The following MAML2 variants were observed in gnomAD, a reference collection of about 807,000 sequenced individuals.
MAML2 encodes mastermind-like protein 2.
In MAML2, 22 loss-of-function variants were observed where a neutral mutation model predicts 96.1. The observed-to-expected ratio is 0.23, with a 90% CI of 0.16 to 0.33. The LOEUF is 0.33. Ranked by LOEUF, MAML2 falls within the 10% of genes least tolerant of loss-of-function variation. MAML2 has a pLI of 1.00. For synonymous variants in MAML2, 561 were observed against 521.3 expected, an observed-to-expected ratio of 1.08 and a Z score of -1.04; for missense variants, 1,367 against 1,392.4, an observed-to-expected ratio of 0.98 and a Z score of 0.29.
intron 1 of MAML2, among the ~76,000 whole-genome samples, chr11:96,179,752 A>G (rs1421561558): frequency 6.6e-6 from 1 of 152,130 alleles, no homozygotes; most frequent in Non-Finnish European, 1.5e-5. Flanking sequence ...TTTCCCCTCC[A>G]ACTCTCTTTC....
intron 1 of MAML2, among the ~76,000 whole-genome samples, chr11:96,312,447 A>T (rs1863556365): frequency 6.6e-6 from 1 of 152,164 alleles, no homozygotes; most frequent in South Asian, 2.1e-4. Flanking sequence ...CATTGGATTC[A>T]TCATTACAAT....
chr11:96,250,649 C>T (rs1280139850), intron 1 of MAML2, among the ~76,000 whole-genome samples: 1 of 152,148 alleles, frequency 6.6e-6, no homozygotes, highest in Non-Finnish European at 1.5e-5. Context: ...AGCTCTGGAG[C>T]ATGAAGGAAG....
intron 2 of MAML2, among the ~76,000 whole-genome samples, chr11:96,015,304 A>G (rs960692403): frequency 1.4e-4 from 22 of 152,174 alleles, no homozygotes; most frequent in African/African-American, 5.1e-4. Flanking sequence ...ATATAGGAGT[A>G]ATATGACGTT....
In MAML2 at chr11:96,109,020, CA is replaced by C. The variant is rs10694455; in HGVS notation, c.514-15504del. Among the ~76,000 whole-genome samples, 213 of 144,616 alleles carry C rather than the reference CA, an allele frequency of 1.5e-3. 1 individual carries two copies. Among genetic ancestry groups the C allele is most frequent in the African/African-American group, 2.8e-3 (109 of 39,200 alleles). 94.9% of individuals were successfully genotyped at this position (144,616 alleles called of 152,430 possible). A position where few individuals can be genotyped will look rare whatever the true frequency, so the allele number is the denominator to read the frequency against. On this transcript the variant is annotated intron_variant, in intron 1 of 4. Coordinates refer to ENST00000524717, the MANE Select transcript of MAML2 (RefSeq NM_032427.4). ...AGCCTGGGCAACAGTTTGAGTGTTT[CA>C]AAAAAAAAAAAATGTATAAGCAACT... is the stretch of plus-strand genomic sequence containing the variant.
intron 2 of MAML2, among the ~76,000 whole-genome samples, chr11:96,058,230 T>C (rs1400052578): frequency 6.6e-6 from 1 of 152,258 alleles, no homozygotes; most frequent in Non-Finnish European, 1.5e-5. Context: ...GTCAGCCTGA[T>C]TGGAGCCTTT....
At chr11:96,261,692 A>G (rs539007673) in intron 1 of MAML2, among the ~76,000 whole-genome samples, 1 of 152,350 alleles carries the variant, frequency 6.6e-6, no homozygotes, top group South Asian at 2.1e-4. Context: ...GTCCCTAGCT[A>G]GTGACATGAT....
chr11:96,164,773 A>G (rs537985668), intron 1 of MAML2, among the ~76,000 whole-genome samples: 1 of 152,230 alleles, frequency 6.6e-6, no homozygotes, highest in Non-Finnish European at 1.5e-5. Context: ...CTTAAGACAG[A>G]TAGTGTGTCA....
At chr11:96,262,467 C>CT (rs200340735) in intron 1 of MAML2, among the ~76,000 whole-genome samples, 419 of 147,858 alleles carry the variant, frequency 2.8e-3, no homozygotes, top group African/African-American at 9.0e-3. Context: ...AAAATTTAAT[C>CT]TTTTTTTTTT....
In MAML2 at chr11:96,310,954, T is replaced by C. The variant is rs189605048; in HGVS notation, c.513+30429A>G. 1.1e-4 allele frequency among the ~76,000 whole-genome samples: 17 copies of C among 152,338 alleles called. 1 individual carries two copies. The highest frequency in any genetic ancestry group is 9.1e-4 in the Admixed American group (14 of 15,306). On this transcript the variant is annotated intron_variant, in intron 1 of 4. Coordinates refer to ENST00000524717, the MANE Select transcript of MAML2 (RefSeq NM_032427.4). ...AAGTGGCAATAAATAGCCCAAGAAA[T>C]GTGTTCAATGGCTAACATCTAAGGA...
At chr11:96,324,810 G>C (rs950669180) in intron 1 of MAML2, among the ~76,000 whole-genome samples, 11 of 152,094 alleles carry the variant, frequency 7.2e-5, no homozygotes, top group Non-Finnish European at 1.0e-4. Context: ...AAAAAGTTAA[G>C]AGACCAATCT....
chr11:96,129,747 A>C (rs1860515015), intron 1 of MAML2, among the ~76,000 whole-genome samples: 1 of 152,198 alleles, frequency 6.6e-6, no homozygotes, highest in African/African-American at 2.4e-5. Context: ...ACAGTACTCA[A>C]CAGGAAGTTT....
At chr11:96,158,298 T>A (rs1440400978) in intron 1 of MAML2, among the ~76,000 whole-genome samples, 1 of 152,240 alleles carries the variant, frequency 6.6e-6, no homozygotes, top group East Asian at 1.9e-4. Context: ...GACCACCCAG[T>A]TGTCCTTCTC....
chr11:96,243,716 C>T (rs1414484265), intron 1 of MAML2, among the ~76,000 whole-genome samples: 1 of 149,052 alleles, frequency 6.7e-6, no homozygotes, highest in Non-Finnish European at 1.5e-5. Context: ...TGCAGTGGCG[C>T]GATGTTGTCT....
chr11:96,263,392 A>G (rs1450023464), intron 1 of MAML2, among the ~76,000 whole-genome samples: 2 of 152,264 alleles, frequency 1.3e-5, no homozygotes, highest in African/African-American at 4.8e-5. Context: ...AGCTATTACA[A>G]TTCAACAATT....
chr11:96,153,974 A>G (rs1485192478), intron 1 of MAML2, among the ~76,000 whole-genome samples: 1 of 152,230 alleles, frequency 6.6e-6, no homozygotes, highest in East Asian at 1.9e-4. Flanking sequence ...AATAGTAACG[A>G]TGTCACTGGA....
chr11:95,982,816 G>A (rs1036045576), intron 4 of MAML2, among the ~76,000 whole-genome samples: 1 of 152,106 alleles, frequency 6.6e-6, no homozygotes, highest in Non-Finnish European at 1.5e-5. Flanking sequence ...TTATAGTGGA[G>A]CTGAAAAATT....
chr11:96,320,735 A>T (rs771602877), intron 1 of MAML2, among the ~76,000 whole-genome samples: 1 of 152,224 alleles, frequency 6.6e-6, no homozygotes, highest in Non-Finnish European at 1.5e-5. Flanking sequence ...CTGGAAAAAC[A>T]GCCAGCATTT....
Position 96,092,550 on chromosome 11 carries a change from C to G in MAML2, c.1481G>C (p.Ser494Thr). Residue 494 changes from serine to threonine, a missense_variant, in exon 2 of 5, where the codon AGC becomes ACC. Transcript: ENST00000524717. The surrounding 1 kb of genome is among the most constrained non-coding windows in gnomAD (Gnocchi z 4.1). The stretch of plus-strand genomic sequence containing the variant: ...GCCAGCTACCCCAGGCATGGGGGAG[C>G]TCTGTGGGCTGAATGTCTGCTGACC... ...SFGQQTFSPQ[S>T]SPMPGVAGGS... is the part of the protein sequence containing the mutation. The G allele has an allele frequency of 6.2e-7, 1 of 1,602,420 alleles. No individual in the cohort carries two copies. Among genetic ancestry groups the G allele is most frequent in the Non-Finnish European group, 8.5e-7 (1 of 1,172,492 alleles).
At chr11:96,219,972 T>A (rs2135945743) in intron 1 of MAML2, among the ~76,000 whole-genome samples, 2 of 152,316 alleles carry the variant, frequency 1.3e-5, no homozygotes, top group Middle Eastern at 6.8e-3. Context: ...TATTTCATCA[T>A]GTTGTATTAA....
Sources: gnomAD v4.1 joint callset for allele counts (sites outside exome capture counted in the v4.1 genomes callset) on GRCh38, gnomAD v4.1.1 for gene constraint, Gnocchi (gnomAD v3.1) non-coding constraint, MANE v1.5 for transcripts, NCBI Gene and HGNC (gene_info 2026-07-23, HGNC 2026-07-21) for gene names.